WDPCP: variants seen among roughly 807,000 people sequenced by gnomAD.
WDPCP encodes the protein WD repeat-containing and planar cell polarity effector protein fritz homolog.
Under a neutral mutation model 93.1 loss-of-function variants are expected in WDPCP, and 71 were observed. The ratio of observed to expected loss-of-function variants is 0.76; its 90% CI spans 0.63 to 0.93. The LOEUF is 0.93. Ranked by LOEUF, WDPCP falls within the 40% of genes least tolerant of loss-of-function variation. The pLI is 0.00. For synonymous variants in WDPCP, 315 were observed against 315.0 expected (o/e 1.00, Z 0.00); for missense variants, 844 against 887.4 (o/e 0.95, Z 0.62).
At chr2:63,572,726 A>AAAAAAAAAAAAAAAAAAAAT (rs56275317) in intron 1 of WDPCP, among the ~76,000 whole-genome samples, 1 of 144,764 alleles carries the variant, frequency 6.9e-6, no homozygotes, top group Non-Finnish European at 1.5e-5. Flanking sequence ...AAAAAAAAAA[A>AAAAAAAAAAAAAAAAAAAAT]GTTGGACAGC....
At chr2:63,604,900 C>T (rs1407108749) in intron 3 of WDPCP, 1 of 1,610,566 alleles carries the variant, frequency 6.2e-7, no homozygotes, top group African/African-American at 1.3e-5. Context: ...GCCTTCTTAA[C>T]ACTGAGCGTA....
At chr2:63,759,189 C>T (rs1196106891) in intron 2 of WDPCP, among the ~76,000 whole-genome samples, 1 of 152,140 alleles carries the variant, frequency 6.6e-6, no homozygotes, top group East Asian at 1.9e-4. Flanking sequence ...AGCTTTAGGA[C>T]CCCTCACTTG....
chr2:63,731,197 A>G (rs887828390), intron 2 of WDPCP, among the ~76,000 whole-genome samples: 72 of 149,084 alleles, frequency 4.8e-4, no homozygotes, highest in African/African-American at 1.7e-3. Context: ...TGAATCCGGG[A>G]GGCGGAGGTT....
intron 1 of WDPCP, among the ~76,000 whole-genome samples, chr2:63,587,814 T>G (rs1708971867): frequency 6.6e-6 from 1 of 152,234 alleles, no homozygotes; most frequent in African/African-American, 2.4e-5. Flanking sequence ...ACTTTAAGAC[T>G]CAAGATGGTT....
intron 2 of WDPCP, among the ~76,000 whole-genome samples, chr2:63,489,823 G>C (rs1700767709): frequency 6.6e-6 from 1 of 151,854 alleles, no homozygotes; most frequent in Non-Finnish European, 1.5e-5. Flanking sequence ...ATGAGGAACA[G>C]GATATTTACA....
chr2:63,401,430 T>A (rs1312818052), intron 10 of WDPCP, among the ~76,000 whole-genome samples: 1 of 152,036 alleles, frequency 6.6e-6, no homozygotes, highest in Non-Finnish European at 1.5e-5. Context: ...GAAATGCAAA[T>A]CAAAACCACA....
At chr2:63,559,436 G>A (rs1706406670) in intron 1 of WDPCP, among the ~76,000 whole-genome samples, 1 of 152,158 alleles carries the variant, frequency 6.6e-6, no homozygotes, top group African/African-American at 2.4e-5. Context: ...AATCAGGCAA[G>A]AGAAAGAAAT....
chr2:63,617,983 G>A lies in WDPCP; in HGVS notation n.488+32676C>T, dbSNP rs1709690900. On this transcript the variant is annotated intron_variant and non_coding_transcript_variant, in intron 3 of 4. Transcript: ENST00000467687. The stretch of plus-strand genomic sequence containing the variant: ...GGCAAGACAACATGAAAATAAAAAA[G>A]AAAATAGTTTTTAAAAATTCTTTAT... Among the ~76,000 whole-genome samples, 3 of 152,044 alleles carry A rather than the reference G, an allele frequency of 2.0e-5. No homozygotes were observed. In the South Asian group the frequency reaches 6.2e-4, roughly 32 times the overall value.
At chr2:63,150,876 G>A (rs1487849183) in intron 17 of WDPCP, among the ~76,000 whole-genome samples, 1 of 152,176 alleles carries the variant, frequency 6.6e-6, no homozygotes, top group Non-Finnish European at 1.5e-5. Flanking sequence ...GTAGCATGTG[G>A]AAATTTCACA....
intron 1 of WDPCP, among the ~76,000 whole-genome samples, chr2:63,575,419 C>CTGTATATACAGTATATACGG (rs1707910394): frequency 1.5e-5 from 1 of 65,580 alleles, no homozygotes; most frequent in African/African-American, 1.2e-4. Context: ...AGTATATACA[C>CTGTATATACAGTATATACGG]TGTATACAGT....
At chr2:63,495,712 G>A (rs543052662) in intron 1 of WDPCP, among the ~76,000 whole-genome samples, 2 of 152,014 alleles carry the variant, frequency 1.3e-5, no homozygotes, top group Non-Finnish European at 2.9e-5. Context: ...TGCTTTCAAG[G>A]TACACTTACT....
intron 14 of WDPCP, among the ~76,000 whole-genome samples, chr2:63,199,421 CG>C (rs1559195780): frequency 6.6e-6 from 1 of 152,202 alleles, no homozygotes; most frequent in Admixed American, 6.5e-5. Flanking sequence ...GGGCAAGGCC[CG>C]GGGCCCTGCT....
At chr2:63,454,874 C>T (rs189607178) in intron 6 of WDPCP, among the ~76,000 whole-genome samples, 1 of 152,198 alleles carries the variant, frequency 6.6e-6, no homozygotes, top group Non-Finnish European at 1.5e-5. Flanking sequence ...TCAGCAGAAA[C>T]CTTATGGGCC....
chr2:63,155,562 T>G (rs1672184555), intron 15 of WDPCP, among the ~76,000 whole-genome samples: 1 of 152,184 alleles, frequency 6.6e-6, no homozygotes, highest in Non-Finnish European at 1.5e-5. Flanking sequence ...CCACAGTCCC[T>G]AGGCCAAATC....
chr2:63,413,263 C>A (rs1364004808), intron 9 of WDPCP, among the ~76,000 whole-genome samples: 3 of 152,108 alleles, frequency 2.0e-5, no homozygotes, highest in African/African-American at 7.2e-5. Flanking sequence ...CAAAAACATA[C>A]AGTGGGAAAA....
chr2:63,747,804 T>G (rs1669821663), intron 2 of WDPCP, among the ~76,000 whole-genome samples: 1 of 152,124 alleles, frequency 6.6e-6, no homozygotes, highest in Admixed American at 6.6e-5. Flanking sequence ...TGTTTGACTT[T>G]TTAAACAAAA....
chr2:63,193,975 A>G (rs1157075773), intron 14 of WDPCP, among the ~76,000 whole-genome samples: 2 of 152,238 alleles, frequency 1.3e-5, no homozygotes, highest in Non-Finnish European at 2.9e-5. Context: ...TGGTAAGACC[A>G]TTAGATTGAA....
intron 6 of WDPCP, among the ~76,000 whole-genome samples, chr2:63,454,107 A>C (rs918628054): frequency 6.6e-6 from 1 of 151,062 alleles, no homozygotes; most frequent in Non-Finnish European, 1.5e-5. Context: ...AAGTATAATA[A>C]AAATATATAT....
At chr2:63,663,783 A>G (rs1710254124) in intron 2 of WDPCP, among the ~76,000 whole-genome samples, 1 of 152,166 alleles carries the variant, frequency 6.6e-6, no homozygotes, top group Non-Finnish European at 1.5e-5. Context: ...TTAGATAAAA[A>G]TACTCGATCA....
Sources: allele counts gnomAD v4.1 joint callset (sites outside exome capture counted in the v4.1 genomes callset), GRCh38; gene constraint gnomAD v4.1.1; transcripts MANE v1.5; gene names NCBI Gene and HGNC (gene_info 2026-07-23, HGNC 2026-07-21).